GABRB3: variants seen among roughly 807,000 people sequenced by gnomAD.
The protein encoded by GABRB3 is gamma-aminobutyric acid type A receptor subunit beta3, also known as gamma-aminobutyric acid receptor subunit beta-3.
GABRB3 carries 14 observed loss-of-function variants against 52.1 expected under a neutral mutation model. The ratio of observed to expected loss-of-function variants is 0.27; its 90% CI spans 0.18 to 0.42. GABRB3 has a LOEUF of 0.42. Ranked by LOEUF, GABRB3 falls within the 10% of genes least tolerant of loss-of-function variation. The pLI, the probability that GABRB3 is intolerant of heterozygous loss-of-function variation, is 1.00. For synonymous variants in GABRB3, 260 were observed against 232.3 expected (o/e 1.12, Z -1.08); for missense variants, 307 against 609.1 (o/e 0.50, Z 5.22).
At chr15:26,635,005 T>TAG (rs1566785563) in intron 3 of GABRB3, among the ~76,000 whole-genome samples, 2 of 6,022 alleles carry the variant, frequency 3.3e-4, no homozygotes, top group Admixed American at 2.4e-3. Context: ...TATATATATA[T>TAG]ATATAATATA....
chr15:26,646,002 C>A (rs904659972), intron 3 of GABRB3, among the ~76,000 whole-genome samples: 2 of 151,900 alleles, frequency 1.3e-5, no homozygotes, highest in African/African-American at 4.8e-5. Flanking sequence ...AAATCATTTT[C>A]CACATTTCAG....
At chr15:26,643,014 C>G (rs1893247843) in intron 3 of GABRB3, among the ~76,000 whole-genome samples, 1 of 152,140 alleles carries the variant, frequency 6.6e-6, no homozygotes, top group African/African-American at 2.4e-5. Context: ...AAGTCTTTCC[C>G]ATCTGTCCCA....
intron 3 of GABRB3, among the ~76,000 whole-genome samples, chr15:26,748,579 T>C (rs1316136088): frequency 6.6e-6 from 1 of 152,222 alleles, no homozygotes; most frequent in Non-Finnish European, 1.5e-5. Context: ...ATTCCTGACA[T>C]TGATGTCTTT....
chr15:26,713,612 G>A (rs923021489), intron 3 of GABRB3, among the ~76,000 whole-genome samples: 2 of 152,204 alleles, frequency 1.3e-5, no homozygotes, highest in African/African-American at 2.4e-5. Context: ...GGCCAACAGG[G>A]TGGGAAGAAT....
At chr15:26,662,399 A>T (rs1887579554) in intron 3 of GABRB3, among the ~76,000 whole-genome samples, 1 of 152,132 alleles carries the variant, frequency 6.6e-6, no homozygotes, top group African/African-American at 2.4e-5. Context: ...CCTTCCATAG[A>T]CACATCCAAC....
At position 26,700,883 on chromosome 15, in the gene GABRB3, G is replaced by A. The variant is rs1025092321; in HGVS notation, c.240+71519C>T. On this transcript the variant is annotated intron_variant, in intron 3 of 8. Transcript: ENST00000311550. Reference sequence around the variant, plus strand: ...ATCCTGGCTAACAGGGTGAAACCCCGTCTCTACTAAAAATACAAAAAATTA... The same window carrying A: ...ATCCTGGCTAACAGGGTGAAACCCCATCTCTACTAAAAATACAAAAAATTA... Among the ~76,000 whole-genome samples, 27 of 152,220 alleles carry A rather than the reference G, an allele frequency of 1.8e-4. 1 individual carries two copies. Among genetic ancestry groups the A allele is most frequent in the Middle Eastern group, 3.4e-3 (1 of 294 alleles).
At position 26,637,972 on chromosome 15, in the gene GABRB3, C is replaced by T. The variant is rs150615907; in HGVS notation, c.241-16438G>A. On this transcript the variant is annotated intron_variant, in intron 3 of 8. Transcript: ENST00000311550. The stretch of plus-strand genomic sequence containing the variant: ...GGGCAAAAGACCTCAGGCTTTCCAT[C>T]CTCCAAGTGCAGCTTACAATGCTTT... 3.0e-3 allele frequency among the ~76,000 whole-genome samples: 462 copies of T among 152,274 alleles called. 1 individual carries two copies. Among genetic ancestry groups the T allele is most frequent in the Middle Eastern group, 0.027 (8 of 294 alleles).
chr15:26,729,924 T>C (rs1889865030), intron 3 of GABRB3, among the ~76,000 whole-genome samples: 1 of 152,212 alleles, frequency 6.6e-6, no homozygotes, highest in Non-Finnish European at 1.5e-5. Flanking sequence ...GAGGCTTCAT[T>C]CTATTCCCTG....
At chr15:26,661,886 T>C (rs888424845) in intron 3 of GABRB3, among the ~76,000 whole-genome samples, 1 of 152,120 alleles carries the variant, frequency 6.6e-6, no homozygotes, top group Non-Finnish European at 1.5e-5. Flanking sequence ...TGCTGAGCTA[T>C]TAATATGGTT....
chr15:26,635,739 A>G (rs559212497), intron 3 of GABRB3, among the ~76,000 whole-genome samples: 2 of 152,336 alleles, frequency 1.3e-5, no homozygotes, highest in African/African-American at 4.8e-5. Flanking sequence ...ATATGCATCT[A>G]GATCAGGATT....
chr15:26,626,604 C>T (rs1319407119), intron 3 of GABRB3, among the ~76,000 whole-genome samples: 1 of 152,234 alleles, frequency 6.6e-6, no homozygotes, highest in Non-Finnish European at 1.5e-5. Context: ...AACAGCCTTA[C>T]TGCTGATATT....
intron 3 of GABRB3, among the ~76,000 whole-genome samples, chr15:26,674,410 A>AG (rs1207127470): frequency 0.098 from 12,555 of 128,292 alleles, 423 homozygotes; most frequent in Non-Finnish European, 0.11. Context: ...CAAAAAAAAA[A>AG]AAAAAAAAAA....
At chr15:26,692,948 G>A (rs575383120) in intron 3 of GABRB3, among the ~76,000 whole-genome samples, 6 of 152,168 alleles carry the variant, frequency 3.9e-5, no homozygotes, top group African/African-American at 7.2e-5. Flanking sequence ...ATTTAGATCC[G>A]AACTTTAAGA....
chr15:26,548,190 C>T, intron 8 of GABRB3, 56 bp from the exon 9 acceptor site: 1 of 1,358,916 alleles, frequency 7.4e-7, no homozygotes, highest in Non-Finnish European at 1.1e-6. Context: ...TTTCCCTATG[C>T]AGATCCCGGA....
At chr15:26,606,758 ATCTG>A (rs894594013) in intron 4 of GABRB3, among the ~76,000 whole-genome samples, 8 of 149,286 alleles carry the variant, frequency 5.4e-5, no homozygotes, top group East Asian at 3.9e-4. Flanking sequence ...TATCATACAT[ATCTG>A]TCTATCTATA....
intron 3 of GABRB3, among the ~76,000 whole-genome samples, chr15:26,701,285 G>A (rs553556901): frequency 6.6e-6 from 1 of 152,078 alleles, no homozygotes; most frequent in Non-Finnish European, 1.5e-5. Flanking sequence ...AGAGAGAAAA[G>A]CCATCTAGAT....
intron 3 of GABRB3, among the ~76,000 whole-genome samples, chr15:26,743,735 T>A (rs1381078786): frequency 6.6e-6 from 1 of 152,154 alleles, no homozygotes. Flanking sequence ...GTCTTCCCCA[T>A]CTGCTGATCA....
Position 26,547,265 on chromosome 15 carries a change from G to A in GABRB3, c.*528C>T, listed in dbSNP as rs1218826625. 2.9e-6 allele frequency: 1 copy of A among 349,888 alleles called. No individual in the cohort carries two copies. The highest frequency in any genetic ancestry group is 2.1e-5 in the African/African-American group (1 of 47,510). The allele number at this position is 349,888 out of a possible 1,614,324, so 21.7% of individuals were successfully genotyped here. ...CCAAGAAGCCTTTGCTTACTAAACT[G>A]AACGAGAGGATATGAAGTAAGTGAC... On this transcript the variant is annotated 3_prime_UTR_variant, in exon 9 of 9. Transcript: ENST00000311550.
At chr15:26,555,763 G>C (rs1484267072) in intron 8 of GABRB3, among the ~76,000 whole-genome samples, 4 of 152,216 alleles carry the variant, frequency 2.6e-5, no homozygotes, top group Non-Finnish European at 4.4e-5. Flanking sequence ...TCTCATTCTA[G>C]TGTGAAAAGG....
Sources: gnomAD v4.1 joint callset for allele counts (sites outside exome capture counted in the v4.1 genomes callset) on GRCh38, gnomAD v4.1.1 for gene constraint, MANE v1.5 for transcripts, NCBI Gene and HGNC (gene_info 2026-07-23, HGNC 2026-07-21) for gene names.